The following DEPDC1B variants were observed in gnomAD, a reference collection of about 807,000 sequenced individuals.
DEPDC1B encodes the protein DEP domain-containing protein 1B.
DEPDC1B carries 51 observed loss-of-function variants against 66.5 expected under a neutral mutation model. That is an observed-to-expected ratio of 0.77 (90% CI 0.61 to 0.97). The LOEUF is 0.97. DEPDC1B is among the 50% of genes least tolerant of loss of function. The pLI is 0.00. For missense variants in DEPDC1B, 552 were observed against 637.1 expected, an observed-to-expected ratio of 0.87 and a Z score of 1.44; for synonymous variants, 226 against 223.6, an observed-to-expected ratio of 1.01 and a Z score of -0.10.
In DEPDC1B at chr5:60,652,639, A is replaced by G. The variant is rs1753483798; in HGVS notation, c.315-5106T>C. ...ATTATTTCAATAAGTCTTGAGGGAC[A>G]GGTGGTGTTTGGTTACATGAATAAG... On this transcript the variant is annotated intron_variant, in intron 2 of 10. Coordinates refer to ENST00000265036, the MANE Select transcript of DEPDC1B (RefSeq NM_018369.3). 1.3e-5 allele frequency among the ~76,000 whole-genome samples: 2 copies of G among 148,932 alleles called. 1 individual carries two copies. The highest frequency in any genetic ancestry group is 4.5e-4 in the South Asian group (2 of 4,466).
At chr5:60,651,113 C>T (rs866821222) in intron 2 of DEPDC1B, among the ~76,000 whole-genome samples, 21 of 152,324 alleles carry the variant, frequency 1.4e-4, no homozygotes, top group Middle Eastern at 3.4e-3. Context: ...GGTAAAGGAG[C>T]ACCAAAATTC....
intron 2 of DEPDC1B, among the ~76,000 whole-genome samples, chr5:60,663,101 A>G (rs1004951206): frequency 2.0e-5 from 3 of 152,208 alleles, no homozygotes; most frequent in African/African-American, 7.2e-5. Flanking sequence ...AGGGGCCATT[A>G]TACACCTGAA....
intron 7 of DEPDC1B, among the ~76,000 whole-genome samples, chr5:60,614,232 G>A (rs747321284): frequency 1.2e-4 from 18 of 152,120 alleles, no homozygotes; most frequent in South Asian, 6.2e-4. Context: ...ACTGTAGAGC[G>A]GTCATGCTCA....
intron 7 of DEPDC1B, among the ~76,000 whole-genome samples, chr5:60,612,528 C>CAAAAAAAAAAAAAA (rs35196065): frequency 1.1e-5 from 1 of 90,236 alleles, no homozygotes; most frequent in East Asian, 3.1e-4. Context: ...GAGATCTGCT[C>CAAAAAAAAAAAAAA]AAAAAAAAAA....
intron 7 of DEPDC1B, among the ~76,000 whole-genome samples, chr5:60,616,441 C>A (rs998619131): frequency 1.3e-5 from 2 of 151,998 alleles, no homozygotes; most frequent in African/African-American, 4.8e-5. Context: ...GCAGAGAAGT[C>A]CTTAAAGGAC....
Position 60,698,320 on chromosome 5 carries a change from G to GA in DEPDC1B, c.48+1725dup, listed in dbSNP as rs34193440. On this transcript the variant is annotated intron_variant, in intron 1 of 10. Coordinates refer to ENST00000265036, the MANE Select transcript of DEPDC1B (RefSeq NM_018369.3). Reference sequence around the variant, plus strand: ...ATCAAGAAGTGGAGTTGAATTTCTAGAATCTGGATTTAGCTGTTTAACTTG... The same window carrying GA: ...ATCAAGAAGTGGAGTTGAATTTCTAGAAATCTGGATTTAGCTGTTTAACTTG... Among the ~76,000 whole-genome samples, 238 of 152,344 alleles carry GA rather than the reference G, an allele frequency of 1.6e-3. 4 individuals carry two copies. The highest frequency in any genetic ancestry group is 0.013 in the Admixed American group (194 of 15,304).
intron 7 of DEPDC1B, among the ~76,000 whole-genome samples, chr5:60,611,327 C>T (rs909880982): frequency 1.3e-5 from 2 of 152,130 alleles, no homozygotes; most frequent in African/African-American, 4.8e-5. Context: ...TGTCTCTCTC[C>T]CTCCCTTTGG....
At position 60,667,692 on chromosome 5, in the gene DEPDC1B, A is replaced by G. The variant is rs1265871167; in HGVS notation, c.314+19270T>C. 1.4e-5 allele frequency among the ~76,000 whole-genome samples: 2 copies of G among 143,026 alleles called. 1 individual carries two copies. Among genetic ancestry groups the G allele is most frequent in the African/African-American group, 5.2e-5 (2 of 38,170 alleles). The allele number at this position is 143,026 out of a possible 152,430, so 93.8% of individuals were successfully genotyped here. ...TGGATATTTTACATGTATATAATGG[A>G]TATTTTACATGTATATAAAATGGAT... On this transcript the variant is annotated intron_variant, in intron 2 of 10. Transcript: ENST00000265036.
chr5:60,637,211 G>C (rs1753063215), intron 7 of DEPDC1B, among the ~76,000 whole-genome samples: 1 of 152,190 alleles, frequency 6.6e-6, no homozygotes. Context: ...GTAATCTCCA[G>C]TGTTCGAGGT....
At chr5:60,648,236 G>A (rs1753366854) in intron 2 of DEPDC1B, 1 of 152,138 alleles carries the variant, frequency 6.6e-6, no homozygotes, top group African/African-American at 2.4e-5. Flanking sequence ...CAAAACAGTA[G>A]GTAAATTCTC....
intron 7 of DEPDC1B, chr5:60,628,236 A>G (rs1297344895): frequency 6.6e-6 from 1 of 152,216 alleles, no homozygotes; most frequent in Non-Finnish European, 1.5e-5. Context: ...CTTTCCCAAT[A>G]TCTAATAGTT....
intron 7 of DEPDC1B, among the ~76,000 whole-genome samples, chr5:60,630,334 T>G (rs895694501): frequency 6.6e-6 from 1 of 152,230 alleles, no homozygotes; most frequent in Admixed American, 6.5e-5. Context: ...TATCAGGAGA[T>G]GTGCGCTCGG....
chr5:60,695,216 G>A (rs1043869212), intron 1 of DEPDC1B, among the ~76,000 whole-genome samples: 1 of 152,144 alleles, frequency 6.6e-6, no homozygotes, highest in African/African-American at 2.4e-5. Flanking sequence ...AATTTATAAA[G>A]GAAAGAGGTT....
intron 2 of DEPDC1B, among the ~76,000 whole-genome samples, chr5:60,671,120 T>C (rs1341278664): frequency 6.6e-6 from 1 of 152,126 alleles, no homozygotes; most frequent in East Asian, 1.9e-4. Flanking sequence ...TGGGTCACAC[T>C]ACCAGGTAAG....
Position 60,597,583 on chromosome 5 carries a change from TA to T in DEPDC1B, c.*169del. ...ACTTTAAAACTAGCATTGAGTTTTATAAAAATACTAATGGCCAAACATTTTT... is the reference window on the plus strand; with the variant it reads ...ACTTTAAAACTAGCATTGAGTTTTATAAAATACTAATGGCCAAACATTTTT... On this transcript the variant is annotated 3_prime_UTR_variant, in exon 11 of 11. Coordinates refer to ENST00000265036, the MANE Select transcript of DEPDC1B (RefSeq NM_018369.3). 2 of 686,664 alleles carry T rather than the reference TA, an allele frequency of 2.9e-6. No individual in the cohort carries two copies. Among genetic ancestry groups the T allele is most frequent in the Non-Finnish European group, 4.5e-6 (2 of 441,442 alleles). The allele number at this position is 686,664 out of a possible 1,614,324, so 42.5% of individuals were successfully genotyped here.
chr5:60,615,781 C>T (rs1286916855), intron 7 of DEPDC1B, among the ~76,000 whole-genome samples: 2 of 152,170 alleles, frequency 1.3e-5, no homozygotes, highest in African/African-American at 4.8e-5. Flanking sequence ...GTCTGACAGC[C>T]TTGAAGAGAG....
intron 2 of DEPDC1B, among the ~76,000 whole-genome samples, chr5:60,670,665 T>A (rs535995281): frequency 3.3e-5 from 5 of 152,312 alleles, no homozygotes; most frequent in African/African-American, 1.2e-4. Context: ...CAGAGGACTC[T>A]ATATGGCATT....
At chr5:60,693,600 A>T (rs555576987) in intron 1 of DEPDC1B, among the ~76,000 whole-genome samples, 1 of 152,306 alleles carries the variant, frequency 6.6e-6, no homozygotes, top group African/African-American at 2.4e-5. Flanking sequence ...GGACAAAATC[A>T]AGACCTTAGC....
chr5:60,675,326 C>T (rs1754130143), intron 2 of DEPDC1B, among the ~76,000 whole-genome samples: 1 of 152,156 alleles, frequency 6.6e-6, no homozygotes, highest in Non-Finnish European at 1.5e-5. Context: ...CATTATCCCA[C>T]AACAACCTGG....
Sources: allele counts gnomAD v4.1 joint callset (sites outside exome capture counted in the v4.1 genomes callset), GRCh38; gene constraint gnomAD v4.1.1; transcripts MANE v1.5; gene names NCBI Gene and HGNC (gene_info 2026-07-23, HGNC 2026-07-21).